Variants in WBP11 observed in about 807,000 individuals in gnomAD.
WBP11 encodes WW domain-binding protein 11.
In WBP11, 12 loss-of-function variants were observed where a neutral mutation model predicts 66.7. The observed-to-expected ratio is 0.18, with a 90% CI of 0.12 to 0.29. WBP11 has a LOEUF of 0.29. Ranked by LOEUF, WBP11 falls within the 10% of genes least tolerant of loss-of-function variation. WBP11 has a pLI of 1.00. For synonymous variants in WBP11, 255 were observed against 273.8 expected, an observed-to-expected ratio of 0.93 and a Z score of 0.68; for missense variants, 555 against 818.3, an observed-to-expected ratio of 0.68 and a Z score of 3.93.
chr12:14,793,613 G>GGGAT (rs1949849608), intron 8 of WBP11, 118 bp downstream of exon 8: 2 of 1,238,186 alleles, frequency 1.6e-6, no homozygotes, highest in East Asian at 4.7e-5. Flanking sequence ...GATGAACACA[G>GGGAT]CTATGATCCC....
chr12:14,790,823 T>C (rs1949813096), intron 9 of WBP11, 74 bp from the exon 10 acceptor site: 2 of 1,359,180 alleles, frequency 1.5e-6, no homozygotes, highest in South Asian at 1.4e-5. Context: ...AATGACTGAA[T>C]ACACATGGTT....
At chr12:14,801,271 A>G in intron 2 of WBP11, 49 bp downstream of exon 2, 3 of 1,586,854 alleles carry the variant, frequency 1.9e-6, no homozygotes, top group Non-Finnish European at 2.6e-6. Context: ...TAATATTTGC[A>G]ATTTTTAACA....
At chr12:14,790,310 AC>A in intron 10 of WBP11, 145 bp downstream of exon 10, 1 of 1,135,468 alleles carries the variant, frequency 8.8e-7, no homozygotes, top group Non-Finnish European at 1.2e-6. Flanking sequence ...AACAACCTTT[AC>A]TTGTCCTTTG....
Position 14,790,648 on chromosome 12 carries a change from G to C in WBP11, c.1117C>G (p.Gln373Glu). Residue 373 changes from glutamine (Q) to glutamate (E), a missense_variant, in exon 10 of 12, where the codon CAG becomes GAG. Around this residue, in one of 6 missense-constraint regions of WBP11, gnomAD observed 230 missense variants for 286.3 expected, o/e 0.80. Coordinates refer to ENST00000261167, the MANE Select transcript of WBP11 (RefSeq NM_016312.3). The part of the protein sequence containing the change: ...DSEAEKQSQK[Q>E]HKEESHSDGT... Reference sequence around the variant, plus strand: ...TCAGAATGGGATTCCTCTTTATGCTGCTTTTGTGATTGCTTTTCTGCTTCA... The same window carrying C: ...TCAGAATGGGATTCCTCTTTATGCTCCTTTTGTGATTGCTTTTCTGCTTCA... 1.2e-6 allele frequency: 2 copies of C among 1,614,166 alleles called. No homozygotes were observed. The highest frequency in any genetic ancestry group is 1.7e-6 in the Non-Finnish European group (2 of 1,180,010).
Position 14,797,221 on chromosome 12 carries a change from C to G in WBP11, c.191-218G>C, listed in dbSNP as rs551025041. Among the ~76,000 whole-genome samples, 16 of 152,314 alleles carry G rather than the reference C, an allele frequency of 1.1e-4. No individual in the cohort carries two copies. The East Asian group carries it at 3.1e-3, about 29-fold the overall frequency. On this transcript the variant is annotated intron_variant, in intron 4 of 11. Transcript: ENST00000261167. ...AATTTTACCTTTCTCAGAAATGCCACCTAATTGACTTTCATCTTCATTGTA... is the reference window on the plus strand; with the variant it reads ...AATTTTACCTTTCTCAGAAATGCCAGCTAATTGACTTTCATCTTCATTGTA...
chr12:14,801,938 C>T (rs1385831024), intron 1 of WBP11: 1 of 152,998 alleles, frequency 6.5e-6, no homozygotes. Context: ...CTCAATACTT[C>T]TAAGACACTA....
At chr12:14,800,839 T>A in intron 2 of WBP11, 56 bp from the exon 3 acceptor site, 1 of 1,431,514 alleles carries the variant, frequency 7.0e-7, no homozygotes. Flanking sequence ...ACATTAGCAT[T>A]TCCTCCAATT....
intron 8 of WBP11, among the ~76,000 whole-genome samples, chr12:14,792,166 A>G (rs1285451448): frequency 1.3e-5 from 2 of 152,182 alleles, no homozygotes; most frequent in African/African-American, 4.8e-5. Context: ...AAAAAATACA[A>G]GCAAGTTGAA....
rs1228025543 is a variant in WBP11 at position 14,787,465 on chromosome 12, G to A, written c.1526C>T (p.Pro509Leu). The change falls in exon 12 of 12, where the codon CCA (proline) becomes CTA (leucine). Residue 509 changes from proline (P) to leucine (L), a missense_variant. Around this residue, in one of 6 missense-constraint regions of WBP11, gnomAD observed 230 missense variants for 286.3 expected, o/e 0.80. Transcript: ENST00000261167. The stretch of plus-strand genomic sequence containing the variant: ...AGGTCCAAGGGGAGGCACCAAAGGT[G>A]GGCGCATCATGCCAGGACGAGGTGG... ...IPPPRPGMMR[P>L]PLVPPLGPAP... The A allele has an allele frequency of 2.0e-6, 3 of 1,520,658 alleles. No individual in the cohort carries two copies. Among genetic ancestry groups the A allele is most frequent in the Non-Finnish European group, 1.8e-6 (2 of 1,134,140 alleles). The allele number at this position is 1,520,658 out of a possible 1,614,324, so 94.2% of individuals were successfully genotyped here. A position where few individuals can be genotyped will look rare whatever the true frequency, so the allele number is the denominator to read the frequency against.
intron 1 of WBP11, 70 bp from the exon 2 acceptor site, chr12:14,801,498 CA>C (rs1431415089): frequency 1.0e-6 from 1 of 992,122 alleles, no homozygotes; most frequent in African/African-American, 1.6e-5. Context: ...TAGTCCCTAC[CA>C]ATCTCTGAAA....
In WBP11 at chr12:14,793,715, C is replaced by T. The variant is rs910721261; in HGVS notation, c.913+16G>A. On this transcript the variant is annotated intron_variant, in intron 8 of 11. Transcript: ENST00000261167. ...TCTTTATTGATCAATACCATGAATC[C>T]TTCATCTGCACATACCTGACTTCTT... 1 of 1,611,140 alleles carries T rather than the reference C, an allele frequency of 6.2e-7. No individual in the cohort carries two copies.
intron 7 of WBP11, 105 bp downstream of exon 7, chr12:14,794,432 A>AC (rs1949863987): frequency 1.6e-6 from 2 of 1,230,898 alleles, no homozygotes; most frequent in Non-Finnish European, 2.4e-6. Context: ...TGTACATGAT[A>AC]CCCTCTCATT....
At chr12:14,793,155 T>C (rs1300556134) in intron 8 of WBP11, among the ~76,000 whole-genome samples, 1 of 152,186 alleles carries the variant, frequency 6.6e-6, no homozygotes, top group Non-Finnish European at 1.5e-5. Context: ...AGCTCCAAAA[T>C]TGCTGAGGTT....
Position 14,799,464 on chromosome 12 carries a change from T to A in WBP11, c.190+171A>T, listed in dbSNP as rs1949933201. 5.9e-6 allele frequency: 3 copies of A among 511,430 alleles called. No individual in the cohort carries two copies. In the South Asian group the frequency reaches 1.1e-4, roughly 18 times the overall value. 31.7% of individuals were successfully genotyped at this position (511,430 alleles called of 1,614,324 possible). A position where few individuals can be genotyped will look rare whatever the true frequency, so the allele number is the denominator to read the frequency against. On this transcript the variant is annotated intron_variant, in intron 4 of 11. Transcript: ENST00000261167. ...TTATTCTGGTATCTGGGGTCTCCAG[T>A]TTGCAACAGCCCTCTAGCACTCCAT... is the stretch of plus-strand genomic sequence containing the variant.
chr12:14,790,731 T>A lies in WBP11; in HGVS notation c.1034A>T (p.Glu345Val). The A allele has an allele frequency of 1.2e-6, 2 of 1,613,022 alleles. No individual in the cohort carries two copies. The highest frequency in any genetic ancestry group is 1.7e-6 in the Non-Finnish European group (2 of 1,179,348). Reference protein sequence around the residue: ...LRMAGQEIPEEGREVEEFSED... With the variant: ...LRMAGQEIPEVGREVEEFSED... Reference sequence around the variant, plus strand: ...TGAAAATTCCTCTACTTCCCGTCCCTCCTCAGGGATTTCTTGACCTGAAAG... The same window carrying A: ...TGAAAATTCCTCTACTTCCCGTCCCACCTCAGGGATTTCTTGACCTGAAAG... The change falls in exon 10 of 12, where the codon GAG becomes GTG. Residue 345 changes from glutamate (E) to valine (V), a missense_variant. Physicochemically the swap from Glu to Val is moderately radical, Grantham distance 121. Coordinates refer to ENST00000261167, the MANE Select transcript of WBP11 (RefSeq NM_016312.3).
chr12:14,788,932 T>C lies in WBP11; in HGVS notation c.1492+19A>G, dbSNP rs534549658. The C allele has an allele frequency of 1.8e-5, 25 of 1,374,258 alleles. No individual in the cohort carries two copies. Among genetic ancestry groups the C allele is most frequent in the Middle Eastern group, 2.5e-4 (1 of 3,924 alleles). The allele number at this position is 1,374,258 out of a possible 1,614,324, so 85.1% of individuals were successfully genotyped here. A position where few individuals can be genotyped will look rare whatever the true frequency, so the allele number is the denominator to read the frequency against. On this transcript the variant is annotated intron_variant, in intron 11 of 11. Transcript: ENST00000261167. ...TAAACAGCAGGCTAAGTTTTTATTA[T>C]AGAAATTGAAAGCATCACCTGGAGG... is the stretch of plus-strand genomic sequence containing the variant.
At position 14,796,393 on chromosome 12, in the gene WBP11, A is replaced by G. The variant is rs1452696209; in HGVS notation, c.387+414T>C. On this transcript the variant is annotated intron_variant, in intron 5 of 11. Transcript: ENST00000261167. The surrounding 1 kb of genome is among the most constrained non-coding windows in gnomAD (Gnocchi z 4.5). ...ATGTTTAGTTTTAGAAGAAACTGCT[A>G]TAAGGAAGAGGTTCAACATGACATT... 2.0e-5 allele frequency among the ~76,000 whole-genome samples: 3 copies of G among 152,210 alleles called. No individual in the cohort carries two copies. Among genetic ancestry groups the G allele is most frequent in the East Asian group, 1.9e-4 (1 of 5,202 alleles).
chr12:14,791,140 G>A (rs779125709), intron 9 of WBP11, 29 bp downstream of exon 9: 15 of 1,601,298 alleles, frequency 9.4e-6, no homozygotes, highest in Middle Eastern at 1.7e-4. Flanking sequence ...TACACCAAAA[G>A]GTGATTCACT....
At chr12:14,788,878 T>C (rs1212487553) in intron 11 of WBP11, 73 bp downstream of exon 11, 12 of 810,540 alleles carry the variant, frequency 1.5e-5, no homozygotes, top group Non-Finnish European at 2.2e-5. Context: ...AATACTGAAA[T>C]GTGACCATAT....
Sources: gnomAD v4.1 joint callset for allele counts (sites outside exome capture counted in the v4.1 genomes callset) on GRCh38, gnomAD v4.1.1 for gene constraint, gnomAD v4.1.1 regional missense constraint, Gnocchi (gnomAD v3.1) non-coding constraint, MANE v1.5 for transcripts, NCBI Gene and HGNC (gene_info 2026-07-23, HGNC 2026-07-21) for gene names.